Variants in RAB5IF observed in about 807,000 individuals in gnomAD.
The protein encoded by RAB5IF is GEL complex subunit OPTI.
A neutral mutation model predicts 20.3 loss-of-function variants in RAB5IF; 15 were observed. That is an observed-to-expected ratio of 0.74 (90% CI 0.50 to 1.14). RAB5IF has a LOEUF of 1.14. RAB5IF is among the 50% of genes most tolerant of loss of function. The pLI, the probability that RAB5IF is intolerant of heterozygous loss-of-function variation, is 0.00. For missense variants in RAB5IF, 148 were observed against 159.5 expected, an observed-to-expected ratio of 0.93 and a Z score of 0.39; for synonymous variants, 67 against 63.7, an observed-to-expected ratio of 1.05 and a Z score of -0.25.
chr20:36,611,981 C>G (rs1487968407), intron 3 of RAB5IF, 29 bp from the exon 4 acceptor site: 3 of 1,613,466 alleles, frequency 1.9e-6, no homozygotes, highest in Non-Finnish European at 2.5e-6. Context: ...AGCCAGGTGA[C>G]CTATGAACAG....
intron 2 of RAB5IF, among the ~76,000 whole-genome samples, chr20:36,608,350 T>C (rs537193911): frequency 5.9e-5 from 9 of 152,146 alleles, no homozygotes; most frequent in Admixed American, 5.9e-4. Context: ...ACTCAAATGA[T>C]TTTCCTGCCT....
intron 2 of RAB5IF, 151 bp from the exon 3 acceptor site, chr20:36,609,450 G>A (rs2039055826): frequency 1.0e-5 from 11 of 1,090,798 alleles, no homozygotes; most frequent in Non-Finnish European, 1.4e-5. Context: ...ATGTTGGCTA[G>A]GCTGGTCTTG....
chr20:36,611,322 C>T (rs529144520), intron 3 of RAB5IF, among the ~76,000 whole-genome samples: 16 of 151,706 alleles, frequency 1.1e-4, no homozygotes, highest in Non-Finnish European at 1.9e-4. Context: ...CATGGCCTGG[C>T]ATGGTGGCTC....
At chr20:36,610,428 G>A (rs1303887664) in intron 3 of RAB5IF, among the ~76,000 whole-genome samples, 2 of 152,032 alleles carry the variant, frequency 1.3e-5, no homozygotes, top group Non-Finnish European at 2.9e-5. Flanking sequence ...GTGGCCGGGC[G>A]CGGTCGCTCA....
intron 3 of RAB5IF, 133 bp from the exon 4 acceptor site, chr20:36,611,874 ACCC>A (rs891011442): frequency 8.9e-7 from 1 of 1,122,956 alleles, no homozygotes; most frequent in African/African-American, 1.6e-5. Context: ...AATAATTTAG[ACCC>A]CCCAAGCAGA....
At chr20:36,609,235 A>ACACACACACC (rs2039039114) in intron 2 of RAB5IF, among the ~76,000 whole-genome samples, 2 of 129,060 alleles carry the variant, frequency 1.5e-5, no homozygotes, top group Non-Finnish European at 3.2e-5. Flanking sequence ...ACACACACAC[A>ACACACACACC]CACACACACA....
chr20:36,611,746 C>T (rs1382177258), intron 3 of RAB5IF, among the ~76,000 whole-genome samples: 1 of 152,110 alleles, frequency 6.6e-6, no homozygotes, highest in South Asian at 2.1e-4. Context: ...TCCACATCTG[C>T]ACCTCAATTC....
In RAB5IF at chr20:36,612,190, G is replaced by T; in HGVS notation, c.*139G>T. 6.2e-7 allele frequency: 1 copy of T among 1,614,156 alleles called. No individual in the cohort carries two copies. The highest frequency in any genetic ancestry group is 1.1e-5 in the South Asian group (1 of 91,082). On this transcript the variant is annotated 3_prime_UTR_variant, in exon 4 of 4. Transcript: ENST00000344795. Reference sequence around the variant, plus strand: ...TCCTGGACCGCGAATCAGTGTGTTGGGCATCAGTGTTTTCTGCAAGGGTTG... The same window carrying T: ...TCCTGGACCGCGAATCAGTGTGTTGTGCATCAGTGTTTTCTGCAAGGGTTG...
rs1392528069 is a variant in RAB5IF, at chr20:36,609,225, A to C, written c.219-376A>C. Among the ~76,000 whole-genome samples the C allele has an allele frequency of 1.7e-5, 2 of 120,460 alleles. 1 individual carries two copies. Among genetic ancestry groups the C allele is most frequent in the African/African-American group, 7.7e-5 (2 of 26,006 alleles). 79.0% of individuals were successfully genotyped at this position (120,460 alleles called of 152,430 possible). A position where few individuals can be genotyped will look rare whatever the true frequency, so the allele number is the denominator to read the frequency against. Reference sequence around the variant, plus strand: ...CACGCACACACGCACACACGCACACACACACACACACACACACACACACAC... The same window carrying C: ...CACGCACACACGCACACACGCACACCCACACACACACACACACACACACAC... On this transcript the variant is annotated intron_variant, in intron 2 of 3. Coordinates refer to ENST00000344795, the MANE Select transcript of RAB5IF (RefSeq NM_018840.5).
chr20:36,609,534 C>A (rs1338601048), intron 2 of RAB5IF, 67 bp from the exon 3 acceptor site: 1 of 1,516,598 alleles, frequency 6.6e-7, no homozygotes, highest in Non-Finnish European at 8.8e-7. Context: ...GCCACCACAC[C>A]CGGCCCCGAG....
In RAB5IF at chr20:36,607,723, T is replaced by C. The variant is rs2038968075; in HGVS notation, c.123T>C (p.Phe41=). ...TTCTGTCTTTTCTACAGGATGAATTTTTAGATGTGATCTACTGGTTCCGAC... is the reference window on the plus strand; with the variant it reads ...TTCTGTCTTTTCTACAGGATGAATTCTTAGATGTGATCTACTGGTTCCGAC... ...SDAAWEDKDE[F]LDVIYWFRQI... Residue 41 remains phenylalanine (F), a synonymous_variant, in exon 2 of 4, where the codon TTT becomes TTC. Transcript: ENST00000344795. 6.2e-7 allele frequency: 1 copy of C among 1,613,980 alleles called. No homozygotes were observed. The highest frequency in any genetic ancestry group is 8.5e-7 in the Non-Finnish European group (1 of 1,179,890).
At chr20:36,609,183 A>ACG (rs1270929100) in intron 2 of RAB5IF, among the ~76,000 whole-genome samples, 16 of 43,872 alleles carry the variant, frequency 3.6e-4, no homozygotes, top group Non-Finnish European at 5.8e-4. Flanking sequence ...ACACACACAC[A>ACG]CACACACACA....
Position 36,609,719 on chromosome 20 carries a change from G to A in RAB5IF, c.337G>A (p.Ala113Thr). ...GAAGGAAGGGTTTATGACCTCTTTTGCCTTGTTCATGGTATGTGTAGCTGA... is the reference window on the plus strand; with the variant it reads ...GAAGGAAGGGTTTATGACCTCTTTTACCTTGTTCATGGTATGTGTAGCTGA... ...LTKEGFMTSF[A>T]LFMVIWIIFY... The change falls in exon 3 of 4, where the codon GCC becomes ACC. Residue 113 changes from alanine to threonine, a missense_variant. Ala to Thr is a moderately conservative substitution (Grantham distance 58). Transcript: ENST00000344795. 1 of 1,614,164 alleles carries A rather than the reference G, an allele frequency of 6.2e-7. No homozygotes were observed. The highest frequency in any genetic ancestry group is 1.3e-5 in the African/African-American group (1 of 75,038).
chr20:36,610,008 C>G lies in RAB5IF; in HGVS notation c.348+278C>G, dbSNP rs1297674888. On this transcript the variant is annotated intron_variant, in intron 3 of 3. Coordinates refer to ENST00000344795, the MANE Select transcript of RAB5IF (RefSeq NM_018840.5). ...GATATTAGAAACTAGGAGGGCTGAGCATGGTGGCTCACGCCTGTAATCCCA... is the reference window on the plus strand; with the variant it reads ...GATATTAGAAACTAGGAGGGCTGAGGATGGTGGCTCACGCCTGTAATCCCA... Among the ~76,000 whole-genome samples, 3 of 152,200 alleles carry G rather than the reference C, an allele frequency of 2.0e-5. No homozygotes were observed. The East Asian group carries it at 5.8e-4, about 29-fold the overall frequency.
In RAB5IF at chr20:36,609,198, C is replaced by G. The variant is rs1484660188; in HGVS notation, c.219-403C>G. Among the ~76,000 whole-genome samples the G allele has an allele frequency of 1.7e-4, 9 of 53,324 alleles. 2 individuals carry two copies. Among genetic ancestry groups the G allele is most frequent in the Non-Finnish European group, 2.5e-4 (7 of 28,388 alleles). 35.0% of individuals were successfully genotyped at this position (53,324 alleles called of 152,430 possible). ...ACACACACACACACACACACACGCA[C>G]ACACGCACACACGCACACACGCACA... On this transcript the variant is annotated intron_variant, in intron 2 of 3. Coordinates refer to ENST00000344795, the MANE Select transcript of RAB5IF (RefSeq NM_018840.5).
At chr20:36,608,977 CTGGGAGTTATACAGG>C (rs2039000403) in intron 2 of RAB5IF, among the ~76,000 whole-genome samples, 1 of 151,634 alleles carries the variant, frequency 6.6e-6, no homozygotes, top group South Asian at 2.1e-4. Context: ...TGGTCTCCCA[CTGGGAGTTATACAGG>C]GGGTATACTG....
At chr20:36,609,256 C>CACACACACACACACACTATA (rs1555790839) in intron 2 of RAB5IF, among the ~76,000 whole-genome samples, 1 of 121,578 alleles carries the variant, frequency 8.2e-6, no homozygotes, top group East Asian at 2.1e-4. Context: ...CACACACACA[C>CACACACACACACACACTATA]TATATATAGA....
At chr20:36,608,294 G>C (rs1023178998) in intron 2 of RAB5IF, 1 of 226,438 alleles carries the variant, frequency 4.4e-6, no homozygotes, top group African/African-American at 2.3e-5. Flanking sequence ...GCCCAGGTGG[G>C]AGCACACTGG....
chr20:36,607,765 C>G lies in RAB5IF; in HGVS notation c.165C>G (p.Val55=), dbSNP rs145335248. 35 of 1,613,920 alleles carry G rather than the reference C, an allele frequency of 2.2e-5. No homozygotes were observed. The South Asian group carries it at 2.7e-4, about 13-fold the overall frequency. ...GGTTCCGACAGATCATTGCTGTGGTCCTGGGTGTCATTTGGGGAGTTTTGC... is the reference window on the plus strand; with the variant it reads ...GGTTCCGACAGATCATTGCTGTGGTGCTGGGTGTCATTTGGGGAGTTTTGC... ...IYWFRQIIAV[V]LGVIWGVLPL... is the part of the protein sequence containing the mutation. The change falls in exon 2 of 4, where the codon GTC becomes GTG. Residue 55 remains valine (V), a synonymous_variant. Transcript: ENST00000344795.
Sources: gnomAD v4.1 joint callset for allele counts (sites outside exome capture counted in the v4.1 genomes callset) on GRCh38, gnomAD v4.1.1 for gene constraint, MANE v1.5 for transcripts, NCBI Gene and HGNC (gene_info 2026-07-23, HGNC 2026-07-21) for gene names.